LHFPL3: variants seen among roughly 807,000 people sequenced by gnomAD.
LHFPL3 encodes the protein LHFPL tetraspan subfamily member 3.
LHFPL3 carries 5 observed loss-of-function variants against 19.3 expected under a neutral mutation model. The observed-to-expected ratio is 0.26, with a 90% CI of 0.14 to 0.54. The LOEUF (loss-of-function observed/expected upper bound fraction) is 0.54. Among genes scored for constraint, LHFPL3 ranks in the 20% least tolerant of loss-of-function variants. The pLI is 0.94. For synonymous variants in LHFPL3, 133 were observed against 126.2 expected, an observed-to-expected ratio of 1.05 and a Z score of -0.36; for missense variants, 249 against 307.4, an observed-to-expected ratio of 0.81 and a Z score of 1.42.
rs545949209 is a variant in LHFPL3 at position 104,661,195 on chromosome 7, G to C, written c.446-75480G>C. Among the ~76,000 whole-genome samples, 3 of 152,278 alleles carry C rather than the reference G, an allele frequency of 2.0e-5. No homozygotes were observed. In the South Asian group the frequency reaches 6.2e-4, roughly 32 times the overall value. ...AAGAAACTCAGGTTCTCAAGAGGTG[G>C]CAATGGCAGCTGAATATATGGATGT... On this transcript the variant is annotated intron_variant, in intron 1 of 2. Transcript: ENST00000424859.
At chr7:104,540,252 A>C (rs1388804436) in intron 1 of LHFPL3, among the ~76,000 whole-genome samples, 1 of 152,164 alleles carries the variant, frequency 6.6e-6, no homozygotes, top group Non-Finnish European at 1.5e-5. Flanking sequence ...TAAAAAAAAA[A>C]CTATAATGTT....
chr7:104,824,789 CTT>C (rs1207721966), intron 2 of LHFPL3, among the ~76,000 whole-genome samples: 1 of 113,376 alleles, frequency 8.8e-6, no homozygotes, highest in African/African-American at 3.5e-5. Flanking sequence ...ATATTTCAAA[CTT>C]CTCTGTTTCA....
At position 104,646,998 on chromosome 7, in the gene LHFPL3, T is replaced by C. The variant is rs145733135; in HGVS notation, c.446-89677T>C. 2.1e-3 allele frequency among the ~76,000 whole-genome samples: 327 copies of C among 152,306 alleles called. 2 individuals carry two copies. The highest frequency in any genetic ancestry group is 7.6e-3 in the African/African-American group (314 of 41,554). Reference sequence around the variant, plus strand: ...GAACAGCCTTATAAACAGACGTTTATCCCAGCATGATGTATCCCATCCTAT... The same window carrying C: ...GAACAGCCTTATAAACAGACGTTTACCCCAGCATGATGTATCCCATCCTAT... On this transcript the variant is annotated intron_variant, in intron 1 of 2. Transcript: ENST00000424859.
intron 1 of LHFPL3, among the ~76,000 whole-genome samples, chr7:104,564,298 C>G (rs1275872316): frequency 6.6e-6 from 1 of 152,120 alleles, no homozygotes; most frequent in Non-Finnish European, 1.5e-5. Flanking sequence ...AATCACATCC[C>G]AGATGCAGTA....
intron 1 of LHFPL3, among the ~76,000 whole-genome samples, chr7:104,521,583 C>A (rs1794064629): frequency 6.6e-6 from 1 of 151,906 alleles, no homozygotes. Flanking sequence ...AAAGAAACTA[C>A]CATCAGAGTG....
At chr7:104,407,502 C>G (rs1206915379) in intron 1 of LHFPL3, among the ~76,000 whole-genome samples, 1 of 152,032 alleles carries the variant, frequency 6.6e-6, no homozygotes, top group African/African-American at 2.4e-5. Context: ...ACTAAAAATA[C>G]AAAATTAGCC....
At chr7:104,893,395 T>G (rs994361140) in intron 2 of LHFPL3, among the ~76,000 whole-genome samples, 1 of 151,528 alleles carries the variant, frequency 6.6e-6, no homozygotes, top group Admixed American at 6.6e-5. Context: ...ATATCTGTAG[T>G]CCCAGCTACT....
chr7:104,615,525 G>C (rs1348133239), intron 1 of LHFPL3, among the ~76,000 whole-genome samples: 2 of 152,116 alleles, frequency 1.3e-5, no homozygotes, highest in Admixed American at 1.3e-4. Flanking sequence ...CGGTGATTCA[G>C]CTGCATTTTT....
intron 1 of LHFPL3, among the ~76,000 whole-genome samples, chr7:104,522,515 A>T (rs1331449359): frequency 6.6e-6 from 1 of 152,092 alleles, no homozygotes; most frequent in East Asian, 1.9e-4. Context: ...GTGCACATGT[A>T]CCCTAAAACT....
chr7:104,773,012 T>TA (rs1477129849), intron 2 of LHFPL3, among the ~76,000 whole-genome samples: 8 of 152,258 alleles, frequency 5.3e-5, no homozygotes, highest in African/African-American at 7.2e-5. Context: ...TCTTTTAACC[T>TA]ATTTATTAAA....
intron 1 of LHFPL3, among the ~76,000 whole-genome samples, chr7:104,496,371 G>T (rs1389295921): frequency 1.3e-5 from 2 of 152,284 alleles, no homozygotes; most frequent in Non-Finnish European, 2.9e-5. Flanking sequence ...GTCTATCATT[G>T]TTGGACCTTT....
chr7:104,522,413 G>C (rs1240248621), intron 1 of LHFPL3, among the ~76,000 whole-genome samples: 45 of 132,390 alleles, frequency 3.4e-4, no homozygotes, highest in Non-Finnish European at 6.1e-4. Flanking sequence ...GGGAGGGATG[G>C]ATTGGGAGAT....
chr7:104,445,205 G>A (rs1584324582), intron 1 of LHFPL3, among the ~76,000 whole-genome samples: 1 of 152,158 alleles, frequency 6.6e-6, no homozygotes, highest in African/African-American at 2.4e-5. Context: ...ATACTTAAGT[G>A]CCTTATGTTA....
intron 2 of LHFPL3, among the ~76,000 whole-genome samples, chr7:104,896,837 G>A (rs890810267): frequency 2.0e-5 from 3 of 152,176 alleles, no homozygotes; most frequent in Admixed American, 6.5e-5. Context: ...TGTAATCCCA[G>A]TACTTTGGGA....
At chr7:104,454,873 T>C (rs1935860066) in intron 1 of LHFPL3, among the ~76,000 whole-genome samples, 1 of 152,260 alleles carries the variant, frequency 6.6e-6, no homozygotes, top group Admixed American at 6.5e-5. Flanking sequence ...ATTATTAATT[T>C]AATTCATAAA....
chr7:104,472,495 A>G (rs1425916076), intron 1 of LHFPL3, among the ~76,000 whole-genome samples: 1 of 152,218 alleles, frequency 6.6e-6, no homozygotes, highest in Non-Finnish European at 1.5e-5. Context: ...TACCACCCAG[A>G]GATCACTACT....
chr7:104,572,797 A>G (rs1238068840), intron 1 of LHFPL3, among the ~76,000 whole-genome samples: 1 of 152,210 alleles, frequency 6.6e-6, no homozygotes, highest in Non-Finnish European at 1.5e-5. Flanking sequence ...ATACTGAATC[A>G]TAAATGAGAA....
chr7:104,578,696 C>T (rs1403232367), intron 1 of LHFPL3, among the ~76,000 whole-genome samples: 3 of 152,126 alleles, frequency 2.0e-5, no homozygotes, highest in African/African-American at 7.2e-5. Context: ...TTGTGCTTGA[C>T]AGTACCCCCC....
intron 1 of LHFPL3, among the ~76,000 whole-genome samples, chr7:104,555,042 G>T (rs1003862689): frequency 6.6e-6 from 1 of 152,120 alleles, no homozygotes; most frequent in Non-Finnish European, 1.5e-5. Flanking sequence ...TGACTGGATG[G>T]TGCCTTCTCA....
Sources: allele counts gnomAD v4.1 joint callset (sites outside exome capture counted in the v4.1 genomes callset), GRCh38; gene constraint gnomAD v4.1.1; transcripts MANE v1.5; gene names NCBI Gene and HGNC (gene_info 2026-07-23, HGNC 2026-07-21).